Variants in PARD3 observed in about 807,000 individuals in gnomAD.
PARD3 encodes the protein par-3 family cell polarity regulator.
A neutral mutation model predicts 155.4 loss-of-function variants in PARD3; 75 were observed. That is an observed-to-expected ratio of 0.48 (90% confidence interval 0.40 to 0.58). The LOEUF is 0.58. Ranked by LOEUF, PARD3 falls within the 20% of genes least tolerant of loss-of-function variation. PARD3 has a pLI of 0.00. For missense variants in PARD3, 1,642 were observed against 1,721.7 expected (o/e 0.95, Z 0.82); for synonymous variants, 576 against 610.5 (o/e 0.94, Z 0.83).
chr10:34,357,378 G>T (rs1838996972), intron 14 of PARD3, among the ~76,000 whole-genome samples: 2 of 152,118 alleles, frequency 1.3e-5, no homozygotes, highest in Admixed American at 6.5e-5. Flanking sequence ...TATGTCCTCA[G>T]GATCTAACAC....
chr10:34,338,593 C>A (rs993768461), intron 16 of PARD3, among the ~76,000 whole-genome samples: 1 of 152,090 alleles, frequency 6.6e-6, no homozygotes, highest in African/African-American at 2.4e-5. Context: ...CTTTTCCAAC[C>A]CTTTATGGCC....
At chr10:34,355,822 G>A (rs1838742424) in intron 14 of PARD3, among the ~76,000 whole-genome samples, 1 of 150,360 alleles carries the variant, frequency 6.7e-6, no homozygotes, top group Admixed American at 6.7e-5. Context: ...CTACTCACGA[G>A]GCTGAGGCTG....
rs78557118 is a variant in PARD3, at chr10:34,462,181, C to T, written c.582+7904G>A. Among the ~76,000 whole-genome samples the T allele has an allele frequency of 8.5e-5, 13 of 152,328 alleles. No homozygotes were observed. The East Asian group carries it at 2.5e-3, about 29-fold the overall frequency. On this transcript the variant is annotated intron_variant, in intron 4 of 24. Coordinates refer to ENST00000374788, the MANE Select transcript of PARD3 (RefSeq NM_001184785.2). ...AGCAGAATAGTTTAAAGTCTGTTCT[C>T]AGCTGGATCTCCCTTGAAACTAATG...
intron 2 of PARD3, among the ~76,000 whole-genome samples, chr10:34,606,156 A>ATGTGTG (rs59792013): frequency 5.7e-4 from 72 of 126,560 alleles, no homozygotes; most frequent in East Asian, 1.2e-3. Flanking sequence ...ATAAAGGGAA[A>ATGTGTG]TGTGTGTGTG....
At chr10:34,624,200 G>A (rs1214300751) in intron 2 of PARD3, among the ~76,000 whole-genome samples, 1 of 152,168 alleles carries the variant, frequency 6.6e-6, no homozygotes, top group African/African-American at 2.4e-5. Context: ...GCTAATATCT[G>A]TGACCTTGTT....
At chr10:34,638,778 CG>C (rs1483324346) in intron 2 of PARD3, among the ~76,000 whole-genome samples, 1 of 152,210 alleles carries the variant, frequency 6.6e-6, no homozygotes, top group Admixed American at 6.5e-5. Context: ...GGCAAAACCA[CG>C]TAAAAATCTT....
At chr10:34,566,864 C>T (rs1411167644) in intron 2 of PARD3, among the ~76,000 whole-genome samples, 1 of 152,112 alleles carries the variant, frequency 6.6e-6, no homozygotes. Context: ...AAGAATATAT[C>T]TTTAAGTGTT....
chr10:34,579,552 CTCTG>C (rs1421060541), intron 2 of PARD3, among the ~76,000 whole-genome samples: 234 of 62,510 alleles, frequency 3.7e-3, no homozygotes, highest in African/African-American at 0.013. Flanking sequence ...CTACCATTTT[CTCTG>C]TGTGTGTGTG....
At chr10:34,603,457 C>A (rs1331983858) in intron 2 of PARD3, among the ~76,000 whole-genome samples, 2 of 152,130 alleles carry the variant, frequency 1.3e-5, no homozygotes, top group Non-Finnish European at 2.9e-5. Context: ...CTAATTTGTT[C>A]CAAAATAATG....
chr10:34,320,186 G>T (rs527963843), intron 19 of PARD3, among the ~76,000 whole-genome samples: 2 of 152,026 alleles, frequency 1.3e-5, no homozygotes, highest in Non-Finnish European at 2.9e-5. Context: ...TTATCTAATC[G>T]CCAGGTATCA....
At chr10:34,587,514 C>T (rs1321596293) in intron 2 of PARD3, among the ~76,000 whole-genome samples, 1 of 152,138 alleles carries the variant, frequency 6.6e-6, no homozygotes, top group Non-Finnish European at 1.5e-5. Flanking sequence ...AGGCACAGTG[C>T]TACCTCAAGG....
At chr10:34,402,120 T>C (rs981427354) in intron 5 of PARD3, among the ~76,000 whole-genome samples, 9 of 151,962 alleles carry the variant, frequency 5.9e-5, no homozygotes, top group African/African-American at 2.2e-4. Flanking sequence ...AGATAGTGTA[T>C]CCCAGAAGGT....
intron 22 of PARD3, among the ~76,000 whole-genome samples, chr10:34,219,683 T>G (rs1011537151): frequency 1.3e-5 from 2 of 152,186 alleles, no homozygotes; most frequent in Non-Finnish European, 2.9e-5. Flanking sequence ...CTGGTTTTGA[T>G]GTTAGGATTT....
chr10:34,407,365 G>A (rs1844596984), intron 5 of PARD3, among the ~76,000 whole-genome samples: 1 of 152,146 alleles, frequency 6.6e-6, no homozygotes, highest in Admixed American at 6.5e-5. Context: ...GCACCCAGCA[G>A]TCCTCACAGC....
At chr10:34,330,493 A>G (rs1211428925) in intron 19 of PARD3, among the ~76,000 whole-genome samples, 1 of 152,070 alleles carries the variant, frequency 6.6e-6, no homozygotes, top group Non-Finnish European at 1.5e-5. Context: ...AATTCCTGAA[A>G]GCAAAAAAAG....
At chr10:34,807,191 C>G (rs985194695) in intron 1 of PARD3, among the ~76,000 whole-genome samples, 1 of 152,186 alleles carries the variant, frequency 6.6e-6, no homozygotes, top group African/African-American at 2.4e-5. Context: ...ACACATTGGA[C>G]AGGCCTGAGA....
chr10:34,789,109 T>C (rs1457861893), intron 1 of PARD3, among the ~76,000 whole-genome samples: 1 of 152,248 alleles, frequency 6.6e-6, no homozygotes, highest in Non-Finnish European at 1.5e-5. Context: ...TATATCCACA[T>C]AATGAAGTGC....
chr10:34,697,766 A>ACACACACACACACAC (rs2094201048), intron 1 of PARD3, among the ~76,000 whole-genome samples: 3 of 146,428 alleles, frequency 2.0e-5, no homozygotes, highest in Non-Finnish European at 4.5e-5. Flanking sequence ...TTGTAAAACA[A>ACACACACACACACAC]ACACTCACAC....
intron 2 of PARD3, among the ~76,000 whole-genome samples, chr10:34,549,465 A>G (rs1488608087): frequency 6.6e-6 from 1 of 152,140 alleles, no homozygotes; most frequent in Admixed American, 6.5e-5. Flanking sequence ...CACCAACACA[A>G]GGTAAGAATG....
Sources: allele counts gnomAD v4.1 joint callset (sites outside exome capture counted in the v4.1 genomes callset), GRCh38; gene constraint gnomAD v4.1.1; transcripts MANE v1.5; gene names NCBI Gene and HGNC (gene_info 2026-07-23, HGNC 2026-07-21).